The following SATB1 variants were observed in gnomAD, a reference collection of about 807,000 sequenced individuals.
SATB1 encodes DNA-binding protein SATB1.
SATB1 carries 11 observed loss-of-function variants against 86.9 expected under a neutral mutation model. That is an observed-to-expected ratio of 0.13 (90% CI 0.08 to 0.21). The LOEUF is 0.21. SATB1 is among the 10% of genes least tolerant of loss of function. The probability of loss-of-function intolerance (pLI) is 1.00; values close to 1 mark genes in which losing one functional copy is unlikely to be tolerated. For synonymous variants in SATB1, 357 were observed against 357.2 expected (o/e 1.00, Z 0.01); for missense variants, 551 against 937.6 (o/e 0.59, Z 5.39).
chr3:18,362,860 C>CAAAAAAA (rs35470564), intron 9 of SATB1, among the ~76,000 whole-genome samples: 9 of 32,266 alleles, frequency 2.8e-4, no homozygotes, highest in Non-Finnish European at 3.5e-4. Flanking sequence ...ATGCCATGTG[C>CAAAAAAA]AAAAAAAAAA....
At chr3:18,437,911 A>G (rs1699118827) in intron 1 of SATB1, among the ~76,000 whole-genome samples, 2 of 152,172 alleles carry the variant, frequency 1.3e-5, no homozygotes, top group Non-Finnish European at 2.9e-5. Flanking sequence ...TCTGGGGGAA[A>G]GAAAGGCTTG....
At chr3:18,391,378 TA>T (rs148951554) in intron 7 of SATB1, among the ~76,000 whole-genome samples, 26,532 of 137,246 alleles carry the variant, frequency 0.19, 2,510 homozygotes, top group East Asian at 0.42. Flanking sequence ...TATTTTACAT[TA>T]ATTTTTTTTT....
chr3:18,373,506 A>G (rs888322240), intron 9 of SATB1, among the ~76,000 whole-genome samples: 13 of 152,126 alleles, frequency 8.5e-5, no homozygotes, highest in Non-Finnish European at 1.5e-4. Flanking sequence ...CTATAGATCT[A>G]TTTTCAGCAA....
In SATB1 at chr3:18,381,681, T is replaced by C. The variant is rs550109226; in HGVS notation, c.1420-3356A>G. Among the ~76,000 whole-genome samples the C allele has an allele frequency of 2.0e-5, 3 of 152,298 alleles. No homozygotes were observed. The South Asian group carries it at 6.2e-4, about 32-fold the overall frequency. On this transcript the variant is annotated intron_variant, in intron 8 of 10. Coordinates refer to ENST00000338745, the MANE Select transcript of SATB1 (RefSeq NM_002971.6). ...TTTTTTGGTGGCCCTTTGATAAATC[T>C]AGCTCATTAATGTCTAATTTTTTAA...
At chr3:18,355,197 C>G (rs1694569727) in intron 9 of SATB1, among the ~76,000 whole-genome samples, 1 of 151,900 alleles carries the variant, frequency 6.6e-6, no homozygotes, top group South Asian at 2.1e-4. Context: ...ATGCGCATTG[C>G]TCTTAAAAAA....
upstream of SATB1, among the ~76,000 whole-genome samples, chr3:18,428,914 C>T (rs1176045669): frequency 6.6e-6 from 1 of 152,150 alleles, no homozygotes; most frequent in African/African-American, 2.4e-5. Context: ...ATTTAGAATT[C>T]GAGTGCTTTT....
chr3:18,434,233 T>C (rs1450715058), intron 2 of SATB1, among the ~76,000 whole-genome samples: 1 of 152,078 alleles, frequency 6.6e-6, no homozygotes, highest in East Asian at 1.9e-4. Flanking sequence ...AAAGGGGTTT[T>C]GTCACTAAAA....
intron 9 of SATB1, among the ~76,000 whole-genome samples, chr3:18,354,818 G>GT (rs1559391393): frequency 1.3e-5 from 2 of 151,988 alleles, no homozygotes; most frequent in Non-Finnish European, 2.9e-5. Flanking sequence ...CACTCATGCT[G>GT]GTTTAACAAA....
chr3:18,413,362 C>A (rs1697959094), intron 5 of SATB1, among the ~76,000 whole-genome samples: 1 of 152,094 alleles, frequency 6.6e-6, no homozygotes, highest in Admixed American at 6.5e-5. Context: ...TCTTCTTCAG[C>A]TCATAGTAAA....
chr3:18,370,979 T>C (rs1241412745), intron 9 of SATB1, among the ~76,000 whole-genome samples: 5 of 152,200 alleles, frequency 3.3e-5, no homozygotes, highest in Non-Finnish European at 7.3e-5. Context: ...GTTGCAATGG[T>C]CAATTTGAAG....
chr3:18,421,311 C>A, intron 1 of SATB1: 1 of 195,992 alleles, frequency 5.1e-6, no homozygotes, highest in Non-Finnish European at 1.0e-5. Flanking sequence ...AAAAAGAAAA[C>A]AGCAAATTGC....
intron 9 of SATB1, among the ~76,000 whole-genome samples, chr3:18,356,669 T>C (rs552029899): frequency 6.6e-6 from 1 of 152,026 alleles, no homozygotes; most frequent in African/African-American, 2.4e-5. Flanking sequence ...CAGCTGCTAA[T>C]TTCCAACCAA....
intron 8 of SATB1, among the ~76,000 whole-genome samples, chr3:18,379,866 A>G (rs1353606457): frequency 6.6e-6 from 1 of 152,186 alleles, no homozygotes; most frequent in Non-Finnish European, 1.5e-5. Flanking sequence ...GTGGGGCCTC[A>G]TCCGCCTCCT....
upstream of SATB1, chr3:18,438,777 T>C (rs2125207978): frequency 6.6e-6 from 1 of 152,318 alleles, no homozygotes; most frequent in Non-Finnish European, 1.5e-5. Flanking sequence ...TAGCTCTGGG[T>C]AGAGTCCACC....
chr3:18,445,223 C>A (rs1222047546), intron 1 of SATB1: 49 of 981,290 alleles, frequency 5.0e-5, no homozygotes, highest in Admixed American at 6.3e-5. Context: ...CTCCCCCTGG[C>A]GGTGGGAGCC....
chr3:18,444,596 G>T lies in SATB1; in HGVS notation c.-25+922C>A. 3.0e-6 allele frequency: 3 copies of T among 985,712 alleles called. No individual in the cohort carries two copies. The highest frequency in any genetic ancestry group is 3.6e-6 in the Non-Finnish European group (3 of 830,256). 61.1% of individuals were successfully genotyped at this position (985,712 alleles called of 1,614,324 possible). On this transcript the variant is annotated intron_variant, in intron 1 of 3. Transcript: ENST00000415069. This position sits in a 1 kb window ranked among gnomAD's most constrained non-coding sequence, Gnocchi z 5.1. ...GCAAGGGGAAAAGGGAGGCAAAAGA[G>T]CAGAACTCACTCAGGCATGGACGTT...
chr3:18,392,546 C>T (rs1158191697), intron 7 of SATB1, among the ~76,000 whole-genome samples: 1 of 148,328 alleles, frequency 6.7e-6, no homozygotes, highest in Non-Finnish European at 1.5e-5. Context: ...TATATATATA[C>T]ACATATATAC....
At chr3:18,392,367 A>G (rs1350061961) in intron 7 of SATB1, among the ~76,000 whole-genome samples, 3 of 152,184 alleles carry the variant, frequency 2.0e-5, no homozygotes, top group Admixed American at 6.5e-5. Context: ...CCAACTCCTC[A>G]TAGTAATGGC....
chr3:18,363,172 G>A (rs1347441505), intron 9 of SATB1, among the ~76,000 whole-genome samples: 2 of 151,920 alleles, frequency 1.3e-5, no homozygotes, highest in African/African-American at 4.8e-5. Flanking sequence ...TTAAAAGCAG[G>A]GCAAGGCAAT....
Sources: allele counts gnomAD v4.1 joint callset (sites outside exome capture counted in the v4.1 genomes callset), GRCh38; gene constraint gnomAD v4.1.1; non-coding constraint Gnocchi (gnomAD v3.1); transcripts MANE v1.5; gene names NCBI Gene and HGNC (gene_info 2026-07-23, HGNC 2026-07-21).